Variants in FKTN observed in about 807,000 individuals in gnomAD.
The protein encoded by FKTN is ribitol-5-phosphate transferase FKTN.
FKTN carries 47 observed loss-of-function variants against 58.6 expected under a neutral mutation model. The ratio of observed to expected loss-of-function variants is 0.80; its 90% CI spans 0.63 to 1.02. The LOEUF is 1.02. FKTN is among the 50% of genes least tolerant of loss of function. The pLI, the probability that FKTN is intolerant of heterozygous loss-of-function variation, is 0.00. For synonymous variants in FKTN, 178 were observed against 191.9 expected, an observed-to-expected ratio of 0.93 and a Z score of 0.60; for missense variants, 516 against 537.3, an observed-to-expected ratio of 0.96 and a Z score of 0.39.
intron 5 of FKTN, 95 bp from the exon 6 acceptor site, chr9:105,604,120 T>G: frequency 1.5e-6 from 2 of 1,293,706 alleles, no homozygotes; most frequent in Non-Finnish European, 2.2e-6. Flanking sequence ...TCAAGTTCAA[T>G]ATAAGAATCA....
chr9:105,561,757 C>A (rs1195464648), intron 1 of FKTN, among the ~76,000 whole-genome samples: 1 of 152,150 alleles, frequency 6.6e-6, no homozygotes, highest in Non-Finnish European at 1.5e-5. Flanking sequence ...AACTTCTTAA[C>A]CCTTTGCAGT....
At chr9:105,581,063 T>G (rs1318436921) in intron 3 of FKTN, among the ~76,000 whole-genome samples, 1 of 148,930 alleles carries the variant, frequency 6.7e-6, no homozygotes, top group Non-Finnish European at 1.5e-5. Context: ...TAGTTATACA[T>G]TCTTCTCAAT....
At chr9:105,562,690 T>C (rs1203909920) in intron 1 of FKTN, among the ~76,000 whole-genome samples, 1 of 152,206 alleles carries the variant, frequency 6.6e-6, no homozygotes, top group Non-Finnish European at 1.5e-5. Flanking sequence ...TAAACTAAAT[T>C]CCTTTCAAAG....
At chr9:105,560,111 A>G (rs932001829) in intron 1 of FKTN, among the ~76,000 whole-genome samples, 2 of 152,230 alleles carry the variant, frequency 1.3e-5, no homozygotes, top group South Asian at 2.1e-4. Flanking sequence ...CTAATTGTCT[A>G]CCCAGAAGTG....
At chr9:105,564,661 T>C (rs1839019700) in intron 1 of FKTN, among the ~76,000 whole-genome samples, 1 of 152,096 alleles carries the variant, frequency 6.6e-6, no homozygotes, top group Admixed American at 6.5e-5. Flanking sequence ...AAAGACCAAA[T>C]CTGCGTCCGA....
At position 105,635,456 on chromosome 9, in the gene FKTN, G is replaced by C; in HGVS notation, c.*192G>C. 1 of 1,443,148 alleles carries C rather than the reference G, an allele frequency of 6.9e-7. No individual in the cohort carries two copies. The highest frequency in any genetic ancestry group is 9.0e-7 in the Non-Finnish European group (1 of 1,105,426). The allele number at this position is 1,443,148 out of a possible 1,614,324, so 89.4% of individuals were successfully genotyped here. A position where few individuals can be genotyped will look rare whatever the true frequency, so the allele number is the denominator to read the frequency against. ...GGAATTTTCATGTGCCACATACAAT[G>C]CTAGGTTACAGTGGAGAAGCCTAGA... is the stretch of plus-strand genomic sequence containing the variant. On this transcript the variant is annotated 3_prime_UTR_variant, in exon 11 of 11. Coordinates refer to ENST00000357998, the MANE Select transcript of FKTN (RefSeq NM_001079802.2).
chr9:105,582,334 C>T (rs1843139813), intron 3 of FKTN, among the ~76,000 whole-genome samples: 1 of 152,114 alleles, frequency 6.6e-6, no homozygotes, highest in African/African-American at 2.4e-5. Context: ...AGGAGGACTA[C>T]AGGCACATGC....
chr9:105,594,338 A>T (rs1196359152), intron 3 of FKTN, among the ~76,000 whole-genome samples: 2 of 152,154 alleles, frequency 1.3e-5, no homozygotes, highest in Non-Finnish European at 2.9e-5. Context: ...GAAAGATAGG[A>T]TAGGGAGGTG....
chr9:105,631,077 G>A (rs1833377908), intron 10 of FKTN, among the ~76,000 whole-genome samples: 1 of 152,160 alleles, frequency 6.6e-6, no homozygotes, highest in African/African-American at 2.4e-5. Flanking sequence ...AGGTTGCAGT[G>A]AGCTGAGGTC....
chr9:105,582,461 G>T (rs1843177148), intron 3 of FKTN, among the ~76,000 whole-genome samples: 1 of 152,182 alleles, frequency 6.6e-6, no homozygotes, highest in South Asian at 2.1e-4. Flanking sequence ...CTCCCAAAGT[G>T]CTGGGATTAC....
At chr9:105,569,887 T>C (rs1366639125) in intron 1 of FKTN, among the ~76,000 whole-genome samples, 1 of 152,180 alleles carries the variant, frequency 6.6e-6, no homozygotes, top group East Asian at 1.9e-4. Flanking sequence ...TTCTTTTCCA[T>C]TAGAGATGAT....
chr9:105,615,643 T>C (rs546060887), intron 8 of FKTN, among the ~76,000 whole-genome samples: 95 of 152,302 alleles, frequency 6.2e-4, no homozygotes, highest in African/African-American at 2.2e-3. Flanking sequence ...ATAAATAATA[T>C]GTATAAAATG....
chr9:105,565,336 TA>T (rs35774467), intron 1 of FKTN, among the ~76,000 whole-genome samples: 1 of 152,114 alleles, frequency 6.6e-6, no homozygotes. Flanking sequence ...ATGCCCCAAG[TA>T]AAAGACACAG....
chr9:105,613,755 T>C (rs114163232), intron 7 of FKTN, among the ~76,000 whole-genome samples: 1,870 of 152,350 alleles, frequency 0.012, 54 homozygotes, highest in African/African-American at 0.043. Flanking sequence ...GTAACTATTA[T>C]AAGCTTGTTA....
intron 1 of FKTN, among the ~76,000 whole-genome samples, chr9:105,565,026 G>C (rs1177787273): frequency 6.6e-6 from 1 of 152,144 alleles, no homozygotes; most frequent in Non-Finnish European, 1.5e-5. Context: ...CTTCAACCCA[G>C]AATTTCATAT....
At chr9:105,570,574 T>G (rs192630518) in intron 1 of FKTN, among the ~76,000 whole-genome samples, 1 of 152,260 alleles carries the variant, frequency 6.6e-6, no homozygotes, top group Admixed American at 6.5e-5. Context: ...TTCAGGTACA[T>G]CACTCTCTCC....
At position 105,635,454 on chromosome 9, in the gene FKTN, A is replaced by G; in HGVS notation, c.*190A>G. 2 of 1,443,302 alleles carry G rather than the reference A, an allele frequency of 1.4e-6. No homozygotes were observed. Among genetic ancestry groups the G allele is most frequent in the East Asian group, 2.5e-5 (1 of 39,824 alleles). 89.4% of individuals were successfully genotyped at this position (1,443,302 alleles called of 1,614,324 possible). The stretch of plus-strand genomic sequence containing the variant: ...GAGGAATTTTCATGTGCCACATACA[A>G]TGCTAGGTTACAGTGGAGAAGCCTA... On this transcript the variant is annotated 3_prime_UTR_variant, in exon 11 of 11. Transcript: ENST00000357998.
At chr9:105,631,622 C>A (rs10978173) in intron 10 of FKTN, among the ~76,000 whole-genome samples, 3,257 of 152,210 alleles carry the variant, frequency 0.021, 70 homozygotes, top group East Asian at 0.07. Flanking sequence ...TGAACAGACA[C>A]TTCTCAAAAA....
chr9:105,574,904 A>G, intron 2 of FKTN, 41 bp from the exon 3 acceptor site: 1 of 681,736 alleles, frequency 1.5e-6, no homozygotes, highest in Admixed American at 2.3e-5. Context: ...ACAAAATTAA[A>G]GAGGTTTTTG....
Sources: allele counts gnomAD v4.1 joint callset (sites outside exome capture counted in the v4.1 genomes callset), GRCh38; gene constraint gnomAD v4.1.1; transcripts MANE v1.5; gene names NCBI Gene and HGNC (gene_info 2026-07-23, HGNC 2026-07-21).